The following NBN variants were observed in gnomAD, a reference collection of about 807,000 sequenced individuals.
NBN encodes the protein Nijmegen breakage syndrome 1 (nibrin).
A neutral mutation model predicts 90.8 loss-of-function variants in NBN; 88 were observed. That is an observed-to-expected ratio of 0.97 (90% confidence interval 0.82 to 1.16). The LOEUF is 1.16. Among genes scored for constraint, NBN ranks in the 50% most tolerant of loss-of-function variants. The pLI, the probability that NBN is intolerant of heterozygous loss-of-function variation, is 0.00. For synonymous variants in NBN, 328 were observed against 295.1 expected, an observed-to-expected ratio of 1.11 and a Z score of -1.14; for missense variants, 894 against 869.6, an observed-to-expected ratio of 1.03 and a Z score of -0.35.
At chr8:89,969,811 G>GT (rs757823738) in intron 7 of NBN, among the ~76,000 whole-genome samples, 11 of 152,094 alleles carry the variant, frequency 7.2e-5, no homozygotes, top group Non-Finnish European at 1.6e-4. Flanking sequence ...AATTAGCTGG[G>GT]TGTGGTGGTG....
intron 8 of NBN, among the ~76,000 whole-genome samples, chr8:89,963,954 A>C (rs1288948303): frequency 6.6e-6 from 1 of 151,286 alleles, no homozygotes; most frequent in East Asian, 1.9e-4. Context: ...TGTTCCTTCT[A>C]CCTGGAATTA....
At chr8:89,937,321 T>C (rs1408803589) in intron 14 of NBN, 2 of 507,944 alleles carry the variant, frequency 3.9e-6, no homozygotes, top group South Asian at 2.1e-5. Context: ...AGACAACCAA[T>C]AGTATATTGC....
At chr8:89,954,546 A>C (rs1022678299) in intron 10 of NBN, among the ~76,000 whole-genome samples, 1 of 152,124 alleles carries the variant, frequency 6.6e-6, no homozygotes, top group African/African-American at 2.4e-5. Flanking sequence ...AAAAAAAAAA[A>C]ACAAAACCAC....
chr8:89,942,840 C>T (rs915408715), intron 14 of NBN, among the ~76,000 whole-genome samples: 1 of 152,072 alleles, frequency 6.6e-6, no homozygotes, highest in Non-Finnish European at 1.5e-5. Context: ...AAAAAGGTAA[C>T]TAATATTCAA....
chr8:89,949,716 T>C (rs1310110887), intron 11 of NBN, among the ~76,000 whole-genome samples: 1 of 152,212 alleles, frequency 6.6e-6, no homozygotes, highest in Non-Finnish European at 1.5e-5. Context: ...CAACATCTAT[T>C]GGAAAGTGCC....
At chr8:89,956,088 T>A (rs1805817) in intron 9 of NBN, among the ~76,000 whole-genome samples, 49,950 of 151,302 alleles carry the variant, frequency 0.33, 8,311 homozygotes, top group East Asian at 0.45. Context: ...AACTTTAGAT[T>A]ACCAGAAAAA....
At chr8:89,984,459 G>A (rs2129937101) in intron 1 of NBN, 66 bp downstream of exon 1, 3 of 1,470,982 alleles carry the variant, frequency 2.0e-6, no homozygotes, top group East Asian at 2.3e-5. Flanking sequence ...GGAATCACCC[G>A]CAGGCCCTCC....
intron 1 of NBN, chr8:89,984,262 A>AG (rs1812220117): frequency 1.1e-5 from 6 of 570,382 alleles, no homozygotes; most frequent in Non-Finnish European, 1.9e-5. Flanking sequence ...GCTGGGAGGG[A>AG]GGGGGAGTCA....
At chr8:89,964,931 T>C (rs1356310389) in intron 7 of NBN, among the ~76,000 whole-genome samples, 1 of 151,998 alleles carries the variant, frequency 6.6e-6, no homozygotes, top group African/African-American at 2.4e-5. Flanking sequence ...CTGGCCAACA[T>C]GGTAAAACCT....
intron 11 of NBN, among the ~76,000 whole-genome samples, chr8:89,951,740 G>A (rs925393113): frequency 2.0e-4 from 30 of 146,370 alleles, no homozygotes; most frequent in Middle Eastern, 3.4e-3. Context: ...AATGAGAGTA[G>A]TCTTAAATCC....
Position 89,937,264 on chromosome 8 carries a change from C to G in NBN, c.2185-189G>C, listed in dbSNP as rs1586024804. 44 of 595,054 alleles carry G rather than the reference C, an allele frequency of 7.4e-5. 1 individual carries two copies. The East Asian group carries it at 1.3e-3, about 17-fold the overall frequency. 36.9% of individuals were successfully genotyped at this position (595,054 alleles called of 1,614,324 possible). On this transcript the variant is annotated intron_variant, in intron 14 of 15. Transcript: ENST00000265433. ...TTTTCAATCCATGCTAAGATTATTA[C>G]AAAAGAGCTCTAACTAAACAGCTTT...
At chr8:89,952,629 C>T in intron 11 of NBN, among the ~76,000 whole-genome samples, 1 of 152,112 alleles carries the variant, frequency 6.6e-6, no homozygotes, top group East Asian at 1.9e-4. Flanking sequence ...TGACCACAGC[C>T]ATGAATGAGT....
chr8:89,951,311 CAAAAAAAAAAAA>C lies in NBN; in HGVS notation c.1845+1921_1845+1932del, dbSNP rs71268296. On this transcript the variant is annotated intron_variant, in intron 11 of 15. Coordinates refer to ENST00000265433, the MANE Select transcript of NBN (RefSeq NM_002485.5). ...TGGGTGACAGAGCAAGACTCTGTCTCAAAAAAAAAAAAAAAAAAAAGATTAAAGCATGTACTA... is the reference window on the plus strand; with the variant it reads ...TGGGTGACAGAGCAAGACTCTGTCTCAAAAAAAAGATTAAAGCATGTACTA... 8.8e-5 allele frequency among the ~76,000 whole-genome samples: 6 copies of C among 68,276 alleles called. No individual in the cohort carries two copies. The South Asian group carries it at 1.8e-3, about 21-fold the overall frequency. 44.8% of individuals were successfully genotyped at this position (68,276 alleles called of 152,430 possible). A position where few individuals can be genotyped will look rare whatever the true frequency, so the allele number is the denominator to read the frequency against.
At position 89,978,269 on chromosome 8, in the gene NBN, C is replaced by T. The variant is rs1293382034; in HGVS notation, c.535G>A (p.Glu179Lys). ...TTGGACTCAACTGCTTTCAGGAATT[C>T]AGTAAAATATTCTGGCTTTACAATT... ...RPIVKPEYFT[E>K]FLKAVESKKQ... The change falls in exon 5 of 16, where the codon GAA becomes AAA. Residue 179 changes from glutamate to lysine, a missense_variant. Transcript: ENST00000265433. 1 of 1,603,048 alleles carries T rather than the reference C, an allele frequency of 6.2e-7. No individual in the cohort carries two copies. Among genetic ancestry groups the T allele is most frequent in the Admixed American group, 1.7e-5 (1 of 60,000 alleles).
At chr8:89,954,928 T>C (rs1810625430) in intron 10 of NBN, among the ~76,000 whole-genome samples, 1 of 152,090 alleles carries the variant, frequency 6.6e-6, no homozygotes, top group Admixed American at 6.6e-5. Flanking sequence ...ATTCAAAATA[T>C]GGAAATTGAG....
At chr8:89,964,738 A>C (rs1811166935) in intron 7 of NBN, among the ~76,000 whole-genome samples, 1 of 151,590 alleles carries the variant, frequency 6.6e-6, no homozygotes, top group African/African-American at 2.4e-5. Flanking sequence ...TAAGGGGCTA[A>C]AGAATATAGA....
intron 5 of NBN, among the ~76,000 whole-genome samples, chr8:89,975,609 C>A (rs1156695988): frequency 6.6e-6 from 1 of 152,082 alleles, no homozygotes; most frequent in East Asian, 1.9e-4. Flanking sequence ...AGGAGGGATT[C>A]AACAATCTTA....
At chr8:89,952,566 T>A (rs931785124) in intron 11 of NBN, among the ~76,000 whole-genome samples, 1 of 147,060 alleles carries the variant, frequency 6.8e-6, no homozygotes, top group Non-Finnish European at 1.5e-5. Context: ...GTTCACTTAA[T>A]CCTATCCTTT....
At chr8:89,965,531 C>T (rs1811214096) in intron 7 of NBN, among the ~76,000 whole-genome samples, 1 of 151,716 alleles carries the variant, frequency 6.6e-6, no homozygotes, top group East Asian at 1.9e-4. Context: ...CTCTTTCACC[C>T]AGGCTGGAGA....
Sources: allele counts gnomAD v4.1 joint callset (sites outside exome capture counted in the v4.1 genomes callset), GRCh38; gene constraint gnomAD v4.1.1; transcripts MANE v1.5; gene names NCBI Gene and HGNC (gene_info 2026-07-23, HGNC 2026-07-21).